Variants in GINS4 observed in about 807,000 individuals in gnomAD.
GINS4 encodes the protein DNA replication complex GINS protein SLD5.
In GINS4, 20 loss-of-function variants were observed where a neutral mutation model predicts 31.1. That is an observed-to-expected ratio of 0.64 (90% confidence interval 0.45 to 0.93). GINS4 has a LOEUF of 0.93. GINS4 is among the 40% of genes least tolerant of loss of function. GINS4 has a pLI of 0.00. For synonymous variants in GINS4, 85 were observed against 97.9 expected (o/e 0.87, Z 0.78); for missense variants, 245 against 273.9 (o/e 0.89, Z 0.75).
intron 6 of GINS4, 45 bp from the exon 7 acceptor site, chr8:41,541,762 CTT>C (rs1806844533): frequency 2.7e-6 from 4 of 1,502,252 alleles, no homozygotes; most frequent in Non-Finnish European, 3.7e-6. Flanking sequence ...ACTTTGTTGA[CTT>C]TGTTGGCCGA....
At chr8:41,534,350 T>G (rs544292592) in intron 2 of GINS4, 20 of 297,118 alleles carry the variant, frequency 6.7e-5, no homozygotes, top group African/African-American at 3.5e-4. Flanking sequence ...AAGAATGCAG[T>G]GAGCCATTAT....
At chr8:41,540,978 A>G (rs1194940710) in intron 6 of GINS4, among the ~76,000 whole-genome samples, 2 of 152,208 alleles carry the variant, frequency 1.3e-5, no homozygotes, top group African/African-American at 2.4e-5. Flanking sequence ...AGGGGCAAGC[A>G]GACTCTCAGG....
In GINS4 at chr8:41,541,892, G is replaced by A. The variant is rs781762102; in HGVS notation, c.568G>A (p.Glu190Lys). ...CATACTGGTAGAACCAGACACAGAT[G>A]AGCAGAGGTGAGTGGCGTGCATCTT... ...ENILVEPDTD[E>K]QRDYVIDLEK... The change falls in exon 7 of 8, where the codon GAG becomes AAG. Residue 190 changes from glutamate (E) to lysine (K), a missense_variant. Physicochemically the swap from Glu to Lys is moderately conservative, Grantham distance 56 (BLOSUM62 1). Transcript: ENST00000276533. The A allele has an allele frequency of 3.1e-6, 5 of 1,614,056 alleles. No individual in the cohort carries two copies. The South Asian group carries it at 4.4e-5, about 14-fold the overall frequency.
intron 2 of GINS4, among the ~76,000 whole-genome samples, chr8:41,535,691 G>A (rs1806730112): frequency 6.6e-6 from 1 of 152,162 alleles, no homozygotes; most frequent in Non-Finnish European, 1.5e-5. Flanking sequence ...GTCACTTAGG[G>A]ATATTTCAGT....
intron 2 of GINS4, 71 bp downstream of exon 2, chr8:41,530,369 A>T: frequency 9.0e-7 from 1 of 1,106,376 alleles, no homozygotes; most frequent in Admixed American, 2.1e-5. Context: ...AATATCAGGG[A>T]TCACAAGATG....
intron 5 of GINS4, 33 bp downstream of exon 5, chr8:41,539,808 G>A: frequency 1.3e-6 from 2 of 1,598,724 alleles, no homozygotes; most frequent in Non-Finnish European, 8.6e-7. Context: ...TGGGGCACCT[G>A]GCTGGTTCAG....
chr8:41,543,409 A>G lies in GINS4; in HGVS notation c.*1322A>G, dbSNP rs891753953. ...CACTGTTAACGGAGTGACGTTAACCATCTTGTATTGTGACCTGTGGCCGCT... is the reference window on the plus strand; with the variant it reads ...CACTGTTAACGGAGTGACGTTAACCGTCTTGTATTGTGACCTGTGGCCGCT... On this transcript the variant is annotated 3_prime_UTR_variant, in exon 8 of 8. Transcript: ENST00000276533. 2 of 152,172 alleles carry G rather than the reference A, an allele frequency of 1.3e-5. No homozygotes were observed. The highest frequency in any genetic ancestry group is 4.8e-5 in the African/African-American group (2 of 41,424). The allele number at this position is 152,172 out of a possible 1,614,324, so 9.4% of individuals were successfully genotyped here.
chr8:41,534,694 T>C (rs1277291500), intron 2 of GINS4, among the ~76,000 whole-genome samples: 4 of 151,976 alleles, frequency 2.6e-5, no homozygotes, highest in Non-Finnish European at 4.4e-5. Flanking sequence ...CAACATGAAA[T>C]TCAAGCTAAT....
intron 2 of GINS4, among the ~76,000 whole-genome samples, chr8:41,531,527 G>A (rs918390012): frequency 6.6e-6 from 1 of 152,086 alleles, no homozygotes; most frequent in Non-Finnish European, 1.5e-5. Context: ...ATGACAAAAC[G>A]GAACTAAAAT....
At chr8:41,537,146 T>A (rs375292202) in intron 3 of GINS4, 34 bp from the exon 4 acceptor site, 1 of 1,432,754 alleles carries the variant, frequency 7.0e-7, no homozygotes, top group Non-Finnish European at 9.8e-7. Flanking sequence ...TTGAACATCA[T>A]GTTTTTTATA....
intron 2 of GINS4, among the ~76,000 whole-genome samples, chr8:41,532,671 C>G (rs938287637): frequency 1.6e-4 from 25 of 151,950 alleles, no homozygotes; most frequent in African/African-American, 6.0e-4. Context: ...CCCGTCTCTA[C>G]CAAAAATACA....
In GINS4 at chr8:41,539,711, G is replaced by GA. The variant is rs768474635; in HGVS notation, c.337dup (p.Thr113AsnfsTer4). The GA allele has an allele frequency of 3.7e-6, 6 of 1,614,040 alleles. No homozygotes were observed. Among genetic ancestry groups the GA allele is most frequent in the Non-Finnish European group, 5.1e-6 (6 of 1,179,960 alleles). On this transcript the variant is annotated frameshift_variant, in exon 5 of 8. Coordinates refer to ENST00000276533, the MANE Select transcript of GINS4 (RefSeq NM_032336.3). LOFTEE classifies it high-confidence loss of function. ...GTTTTTCCCTCATGTCCTTGAGAAG[G>GA]AAAAAACACGTCCTGAGGGGGAGCC...
intron 2 of GINS4, among the ~76,000 whole-genome samples, chr8:41,533,403 A>C (rs1364398203): frequency 6.6e-6 from 1 of 152,204 alleles, no homozygotes; most frequent in African/African-American, 2.4e-5. Flanking sequence ...GGGGTCCTTG[A>C]AAGGCAGCTA....
chr8:41,538,323 A>G (rs1443981406), intron 4 of GINS4, among the ~76,000 whole-genome samples: 2 of 152,222 alleles, frequency 1.3e-5, no homozygotes, highest in African/African-American at 2.4e-5. Flanking sequence ...ACAGTATCCC[A>G]GTTGTAGTTT....
chr8:41,529,305 C>T lies in GINS4; in HGVS notation c.-111C>T, dbSNP rs1335516754. On this transcript the variant is annotated 5_prime_UTR_variant, in exon 1 of 8. Transcript: ENST00000276533. ...CTTGAGCAGTTTGTTCCTCTGTCTT[C>T]CCGCTTCCTGGTGCCCCGACTGCGT... is the stretch of plus-strand genomic sequence containing the variant. 2.0e-5 allele frequency: 3 copies of T among 152,606 alleles called. No homozygotes were observed. The highest frequency in any genetic ancestry group is 7.2e-5 in the African/African-American group (3 of 41,460). The allele number at this position is 152,606 out of a possible 1,614,324, so 9.5% of individuals were successfully genotyped here.
intron 1 of GINS4, chr8:41,529,947 C>A: frequency 1.4e-5 from 6 of 444,150 alleles, no homozygotes; most frequent in Admixed American, 7.8e-5. Flanking sequence ...GGGTGCTCAG[C>A]TCTTGGTGGA....
At position 41,542,072 on chromosome 8, in the gene GINS4, T is replaced by C. The variant is rs144574209; in HGVS notation, c.657T>C (p.Ala219=). The change falls in exon 8 of 8, where the codon GCT becomes GCC. Residue 219 remains alanine (A), a synonymous_variant. Coordinates refer to ENST00000276533, the MANE Select transcript of GINS4 (RefSeq NM_032336.3). ...KTIAPLVASG[A]VQLI Reference sequence around the variant, plus strand: ...TTGCACCTCTGGTTGCATCTGGAGCTGTCCAGCTAATTTAAAACTAGGCAT... The same window carrying C: ...TTGCACCTCTGGTTGCATCTGGAGCCGTCCAGCTAATTTAAAACTAGGCAT... The C allele has an allele frequency of 6.2e-6, 10 of 1,613,888 alleles. No individual in the cohort carries two copies. In the East Asian group the frequency reaches 1.6e-4, roughly 25 times the overall value.
chr8:41,540,226 A>G (rs1470832455), intron 6 of GINS4, among the ~76,000 whole-genome samples: 2 of 152,204 alleles, frequency 1.3e-5, no homozygotes, highest in Non-Finnish European at 2.9e-5. Flanking sequence ...GCTGAGCCCC[A>G]TGACTGCACT....
intron 1 of GINS4, 27 bp from the exon 2 acceptor site, chr8:41,530,157 G>C: frequency 7.6e-7 from 1 of 1,322,616 alleles, no homozygotes; most frequent in South Asian, 1.2e-5. Flanking sequence ...ACGCATTGCA[G>C]AGTATTGGTT....
Sources: gnomAD v4.1 joint callset for allele counts (sites outside exome capture counted in the v4.1 genomes callset) on GRCh38, gnomAD v4.1.1 for gene constraint, MANE v1.5 for transcripts, NCBI Gene and HGNC (gene_info 2026-07-23, HGNC 2026-07-21) for gene names.